Variants in TCTN2 observed in about 807,000 individuals in gnomAD.
TCTN2 encodes tectonic family member 2.
Under a neutral mutation model 83.4 loss-of-function variants are expected in TCTN2, and 66 were observed. The ratio of observed to expected loss-of-function variants is 0.79; its 90% CI spans 0.65 to 0.97. The LOEUF is 0.97. Among genes scored for constraint, TCTN2 ranks in the 50% least tolerant of loss-of-function variants. TCTN2 has a pLI of 0.00. For synonymous variants in TCTN2, 301 were observed against 326.7 expected, an observed-to-expected ratio of 0.92 and a Z score of 0.85; for missense variants, 794 against 858.1, an observed-to-expected ratio of 0.93 and a Z score of 0.93.
intron 11 of TCTN2, 63 bp downstream of exon 11, chr12:123,695,360 A>G (rs1956095584): frequency 9.2e-7 from 1 of 1,082,950 alleles, no homozygotes; most frequent in Non-Finnish European, 1.4e-6. Flanking sequence ...ACTCCCAGCC[A>G]TCAGGATGGT....
chr12:123,699,546 C>A (rs1056537511), intron 13 of TCTN2, among the ~76,000 whole-genome samples, 158 bp from the exon 14 acceptor site: 1 of 152,130 alleles, frequency 6.6e-6, no homozygotes, highest in Non-Finnish European at 1.5e-5. Context: ...CCATCAGACA[C>A]ACCTAGTCCA....
intron 15 of TCTN2, among the ~76,000 whole-genome samples, chr12:123,705,232 G>A (rs113207719): frequency 0.012 from 1,666 of 135,320 alleles, 14 homozygotes; most frequent in South Asian, 0.035. Context: ...GCAATATCTT[G>A]ACTCACTGCA....
intron 5 of TCTN2, among the ~76,000 whole-genome samples, chr12:123,680,768 C>T (rs960492729): frequency 3.3e-5 from 5 of 151,644 alleles, no homozygotes; most frequent in African/African-American, 7.3e-5. Context: ...CTGCCTACCT[C>T]GGCCTCCCAA....
intron 5 of TCTN2, 51 bp downstream of exon 5, chr12:123,679,340 CA>C: frequency 6.8e-7 from 1 of 1,473,000 alleles, no homozygotes; most frequent in Non-Finnish European, 9.5e-7. Flanking sequence ...GTGAGAACAC[CA>C]GCAGTTCCAC....
Position 123,707,912 on chromosome 12 carries a change from A to G in TCTN2, c.*199A>G, listed in dbSNP as rs2135864282. ...TTTAGTAGAGACAGGGTTCCACCGT[A>G]TTGGCCAGGCTGCTCTCGAACTCCT... On this transcript the variant is annotated 3_prime_UTR_variant, in exon 18 of 18. Coordinates refer to ENST00000303372, the MANE Select transcript of TCTN2 (RefSeq NM_024809.5). 4.2e-6 allele frequency: 2 copies of G among 474,646 alleles called. No individual in the cohort carries two copies. The highest frequency in any genetic ancestry group is 3.9e-6 in the Non-Finnish European group (1 of 255,112). 29.4% of individuals were successfully genotyped at this position (474,646 alleles called of 1,614,324 possible). A position where few individuals can be genotyped will look rare whatever the true frequency, so the allele number is the denominator to read the frequency against.
chr12:123,692,223 T>C (rs1157069802), intron 8 of TCTN2, among the ~76,000 whole-genome samples: 1 of 151,966 alleles, frequency 6.6e-6, no homozygotes, highest in Non-Finnish European at 1.5e-5. Flanking sequence ...TTTTTTTGTA[T>C]TTTTAGTAGA....
At chr12:123,688,207 C>T (rs758872429) in intron 7 of TCTN2, 30 bp downstream of exon 7, 24 of 1,587,400 alleles carry the variant, frequency 1.5e-5, no homozygotes, top group Admixed American at 7.0e-5. Flanking sequence ...TATGCTAGAC[C>T]GTTCTCTTTT....
At chr12:123,674,772 C>T (rs1167223566) in intron 4 of TCTN2, among the ~76,000 whole-genome samples, 1 of 152,070 alleles carries the variant, frequency 6.6e-6, no homozygotes, top group Non-Finnish European at 1.5e-5. Flanking sequence ...CTGCCTGTAG[C>T]CCTAGCTACT....
At chr12:123,678,394 T>C (rs1284675192) in intron 4 of TCTN2, among the ~76,000 whole-genome samples, 3 of 152,240 alleles carry the variant, frequency 2.0e-5, no homozygotes, top group Admixed American at 1.3e-4. Context: ...TTTGGATACG[T>C]TGGGTTCAGT....
At position 123,679,307 on chromosome 12, in the gene TCTN2, T is replaced by C. The variant is rs1955865188; in HGVS notation, c.564+18T>C. Reference sequence around the variant, plus strand: ...GTGACCAGGTATGTTCTTTGGTTATTGGGCACAAAAGTTATGCTACCTGTG... The same window carrying C: ...GTGACCAGGTATGTTCTTTGGTTATCGGGCACAAAAGTTATGCTACCTGTG... On this transcript the variant is annotated intron_variant, in intron 5 of 17. Coordinates refer to ENST00000303372, the MANE Select transcript of TCTN2 (RefSeq NM_024809.5). 6.2e-7 allele frequency: 1 copy of C among 1,609,570 alleles called. No individual in the cohort carries two copies. Among genetic ancestry groups the C allele is most frequent in the South Asian group, 1.1e-5 (1 of 90,990 alleles).
intron 8 of TCTN2, among the ~76,000 whole-genome samples, chr12:123,691,078 A>G (rs1956035320): frequency 6.6e-6 from 1 of 152,096 alleles, no homozygotes; most frequent in African/African-American, 2.4e-5. Context: ...TGTGTTGGCC[A>G]GGTTGACCTT....
Position 123,672,150 on chromosome 12 carries a change from C to T in TCTN2, c.267+18C>T, listed in dbSNP as rs745425272. 6.2e-7 allele frequency: 1 copy of T among 1,612,108 alleles called. No individual in the cohort carries two copies. Among genetic ancestry groups the T allele is most frequent in the South Asian group, 1.1e-5 (1 of 91,046 alleles). ...CCGGTGCGGTAAGGCCAGAAGTAAACCTTCTCTGTAGCCTGTGAAGAGGCC... is the reference window on the plus strand; with the variant it reads ...CCGGTGCGGTAAGGCCAGAAGTAAATCTTCTCTGTAGCCTGTGAAGAGGCC... On this transcript the variant is annotated intron_variant, in intron 3 of 17. Coordinates refer to ENST00000303372, the MANE Select transcript of TCTN2 (RefSeq NM_024809.5).
intron 4 of TCTN2, among the ~76,000 whole-genome samples, chr12:123,674,470 A>G (rs1566243812): frequency 6.6e-6 from 1 of 152,124 alleles, no homozygotes; most frequent in East Asian, 1.9e-4. Context: ...GGGTTTCACC[A>G]TGTTGGCTGG....
chr12:123,674,233 C>CT (rs1275592829), intron 4 of TCTN2, among the ~76,000 whole-genome samples: 1 of 150,874 alleles, frequency 6.6e-6, no homozygotes, highest in Admixed American at 6.6e-5. Context: ...ACCTTGAATC[C>CT]TTTTTGGGAG....
intron 14 of TCTN2, among the ~76,000 whole-genome samples, chr12:123,702,450 C>G (rs188907902): frequency 6.8e-6 from 1 of 146,324 alleles, no homozygotes; most frequent in South Asian, 2.2e-4. Context: ...TCCCTTCCCC[C>G]TCTTGGTCAT....
chr12:123,702,424 A>G (rs1331927881), intron 14 of TCTN2, among the ~76,000 whole-genome samples: 2 of 150,784 alleles, frequency 1.3e-5, no homozygotes, highest in Non-Finnish European at 2.9e-5. Context: ...GATTGGGGTC[A>G]TGGTGATGAG....
intron 9 of TCTN2, among the ~76,000 whole-genome samples, chr12:123,692,969 G>T (rs1029438838): frequency 6.8e-6 from 1 of 146,780 alleles, no homozygotes; most frequent in Non-Finnish European, 1.5e-5. Context: ...GACCCTTCTA[G>T]TTCCAGCTTC....
chr12:123,674,520 G>A (rs1260491376), intron 4 of TCTN2, among the ~76,000 whole-genome samples: 7 of 152,220 alleles, frequency 4.6e-5, no homozygotes, highest in African/African-American at 7.2e-5. Context: ...CGCCTGCCTC[G>A]GCCTCCCAAA....
chr12:123,687,891 G>A (rs904753841), intron 6 of TCTN2, among the ~76,000 whole-genome samples, 160 bp from the exon 7 acceptor site: 5 of 151,000 alleles, frequency 3.3e-5, no homozygotes, highest in Non-Finnish European at 1.5e-5. Context: ...TTGAACCTGG[G>A]AGGCGGAGGT....
Sources: gnomAD v4.1 joint callset for allele counts (sites outside exome capture counted in the v4.1 genomes callset) on GRCh38, gnomAD v4.1.1 for gene constraint, MANE v1.5 for transcripts, NCBI Gene and HGNC (gene_info 2026-07-23, HGNC 2026-07-21) for gene names.